Variants in MTAP observed in about 807,000 individuals in gnomAD.
The protein encoded by MTAP is methylthioadenosine phosphorylase.
In MTAP, 33 loss-of-function variants were observed where a neutral mutation model predicts 33.6. The observed-to-expected ratio is 0.98, with a 90% CI of 0.74 to 1.31. The LOEUF (loss-of-function observed/expected upper bound fraction) is 1.31, where lower values mean the gene tolerates loss of function less well. Among genes scored for constraint, MTAP ranks in the 40% most tolerant of loss-of-function variants. The pLI is 0.00. For missense variants in MTAP, 367 were observed against 360.0 expected, an observed-to-expected ratio of 1.02 and a Z score of -0.16; for synonymous variants, 148 against 125.7, an observed-to-expected ratio of 1.18 and a Z score of -1.19.
chr9:21,836,381 C>CAT (rs1388408591), intron 4 of MTAP, among the ~76,000 whole-genome samples: 1 of 152,038 alleles, frequency 6.6e-6, no homozygotes, highest in Non-Finnish European at 1.5e-5. Context: ...AAGTTCAAAA[C>CAT]AAAGGCGGGG....
chr9:21,855,702 A>G (rs1184661367), intron 6 of MTAP, among the ~76,000 whole-genome samples: 1 of 152,120 alleles, frequency 6.6e-6, no homozygotes, highest in African/African-American at 2.4e-5. Flanking sequence ...TCAGCTTCCA[A>G]AACAAAACAA....
downstream of MTAP, among the ~76,000 whole-genome samples, chr9:21,937,897 T>C (rs1234656823): frequency 1.3e-5 from 2 of 152,144 alleles, no homozygotes; most frequent in African/African-American, 4.8e-5. Context: ...TCTAGCACTT[T>C]GGGAGGCCAA....
rs745661357 is a variant in MTAP, at chr9:21,818,153, G to T, written c.298G>T (p.Glu100Ter). The change falls in exon 4 of 8, where the codon GAG becomes TAG. Residue 100 changes from glutamate to a stop codon, truncating the protein, a stop_gained. Coordinates refer to ENST00000644715, the MANE Select transcript of MTAP (RefSeq NM_002451.4). LOFTEE classifies it high-confidence loss of function. ...IVTTACGSLREEIQPGDIVII... is the reference protein window; with the variant it reads ...IVTTACGSLR ...GACCACAGCTTGTGGCTCCTTGAGG[G>T]AGGAGATTCAGCCCGGCGATATTGT... The T allele has an allele frequency of 3.1e-6, 5 of 1,613,816 alleles. No individual in the cohort carries two copies. Among genetic ancestry groups the T allele is most frequent in the Non-Finnish European group, 3.4e-6 (4 of 1,179,986 alleles).
chr9:21,833,883 T>A lies in MTAP; in HGVS notation c.348-4025T>A, dbSNP rs547504090. Among the ~76,000 whole-genome samples the A allele has an allele frequency of 1.0e-3, 156 of 152,334 alleles. 2 individuals are homozygous for A. In the South Asian group the frequency reaches 0.019, roughly 18 times the overall value. ...TCAAGAAACAACCTACCAGTCAGTC[T>A]ATTTCTAGGCTTTTCTCCCTCTCTT... On this transcript the variant is annotated intron_variant, in intron 4 of 7. Transcript: ENST00000644715.
rs150135668 is a variant in MTAP, at chr9:21,854,774, A to G, written c.594A>G (p.Thr198=). 3.6e-4 allele frequency: 577 copies of G among 1,614,194 alleles called. 4 individuals carry two copies. The highest frequency in any genetic ancestry group is 3.3e-3 in the African/African-American group (247 of 75,058). Residue 198 remains threonine, a synonymous_variant, in exon 6 of 8, where the codon ACA becomes ACG. Transcript: ENST00000644715. ...GGGCGGATGTTATCAACATGACCAC[A>G]GTTCCAGAGGTGGTTCTTGCTAAGG... The part of the protein sequence containing the change: ...TWGADVINMT[T]VPEVVLAKEA...
chr9:21,931,508 C>T (rs1818958458), downstream of MTAP: 2 of 226,418 alleles, frequency 8.8e-6, no homozygotes, highest in Non-Finnish European at 1.7e-5. Context: ...AGCTGGTGAT[C>T]AGCAGCTTCC....
exon 2 of MTAP, chr9:21,931,039 G>A (rs1299889577): frequency 1.3e-6 from 1 of 764,328 alleles, no homozygotes; most frequent in Non-Finnish European, 2.4e-6. Flanking sequence ...CTCAGTGAGG[G>A]ATACCATCCT....
Position 21,816,774 on chromosome 9 carries a change from T to A in MTAP, c.179+2T>A. On this transcript the variant is annotated splice_donor_variant, in intron 3 of 7. Transcript: ENST00000644715. LOFTEE classifies it high-confidence loss of function. ...TGTTGATTGCGTCCTCCTTGCAAGG[T>A]ATGGTATTTTAAGCTTTTTGGATGT... The A allele has an allele frequency of 6.2e-7, 1 of 1,607,348 alleles. No homozygotes were observed. Among genetic ancestry groups the A allele is most frequent in the South Asian group, 1.1e-5 (1 of 89,494 alleles).
chr9:21,844,899 G>A (rs889246967), intron 5 of MTAP, among the ~76,000 whole-genome samples: 1 of 152,172 alleles, frequency 6.6e-6, no homozygotes, highest in Non-Finnish European at 1.5e-5. Flanking sequence ...GGGCATGGTA[G>A]CGGGCGCCTG....
Position 21,841,196 on chromosome 9 carries a change from CCCTG to C in MTAP, c.450+3190_450+3193del, listed in dbSNP as rs768941903. ...GTAGCCAAACACAAAATATTTATTG[CCCTG>C]CCTATTGCCTGGGAAACCAAAATAG... On this transcript the variant is annotated intron_variant, in intron 5 of 7. Coordinates refer to ENST00000644715, the MANE Select transcript of MTAP (RefSeq NM_002451.4). Among the ~76,000 whole-genome samples the C allele has an allele frequency of 1.6e-4, 25 of 152,296 alleles. No homozygotes were observed. The East Asian group carries it at 3.3e-3, about 20-fold the overall frequency.
At chr9:21,868,418 A>G (rs938499273), downstream of MTAP, among the ~76,000 whole-genome samples, 5 of 152,188 alleles carry the variant, frequency 3.3e-5, no homozygotes, top group Admixed American at 3.3e-4. Flanking sequence ...TAAATGGGTT[A>G]AGTATATCTA....
chr9:21,822,054 A>G (rs1162492796), intron 4 of MTAP, among the ~76,000 whole-genome samples: 1 of 151,872 alleles, frequency 6.6e-6, no homozygotes, highest in Non-Finnish European at 1.5e-5. Context: ...TGGTCTATCA[A>G]TTTTGTTGAT....
chr9:21,880,030 A>G (rs1432723250), intron 1 of MTAP, among the ~76,000 whole-genome samples: 1 of 152,066 alleles, frequency 6.6e-6, no homozygotes. Flanking sequence ...ATCTTTTGTA[A>G]AATCTTGCAA....
intron 1 of MTAP, among the ~76,000 whole-genome samples, chr9:21,912,014 TA>T (rs1818586960): frequency 6.6e-6 from 1 of 152,006 alleles, no homozygotes; most frequent in Non-Finnish European, 1.5e-5. Flanking sequence ...TCTACGCAAA[TA>T]AACTAGAAAA....
downstream of MTAP, chr9:21,934,998 C>G (rs182044587): frequency 6.6e-6 from 1 of 152,150 alleles, no homozygotes; most frequent in Admixed American, 6.5e-5. This position sits in a 1 kb window ranked among gnomAD's most constrained non-coding sequence, Gnocchi z 5.0. Flanking sequence ...CAAGCCCGGC[C>G]TTAACTTTTT....
intron 1 of MTAP, among the ~76,000 whole-genome samples, chr9:21,906,211 A>G (rs964118997): frequency 6.6e-6 from 1 of 152,238 alleles, no homozygotes. Context: ...GAAGAGATAG[A>G]ATTATCAGCT....
chr9:21,875,936 T>C (rs1826002156), intron 1 of MTAP, among the ~76,000 whole-genome samples: 1 of 152,144 alleles, frequency 6.6e-6, no homozygotes, highest in Admixed American at 6.6e-5. Flanking sequence ...TTTTTAGCTC[T>C]TTGAGGAATC....
chr9:21,925,472 A>T (rs1337327629), intron 1 of MTAP, among the ~76,000 whole-genome samples: 4 of 152,204 alleles, frequency 2.6e-5, no homozygotes, highest in Non-Finnish European at 5.9e-5. Context: ...GGGAAAGAAG[A>T]GGTAAAAGGA....
rs1408734537 is a variant in MTAP, at chr9:21,866,350, T to C, written c.*4336T>C. Reference sequence around the variant, plus strand: ...GCTTGCCTTTTCATTTTCTTAATTATGTCTTTCAAAGAACAAGTTTTTCAT... The same window carrying C: ...GCTTGCCTTTTCATTTTCTTAATTACGTCTTTCAAAGAACAAGTTTTTCAT... On this transcript the variant is annotated 3_prime_UTR_variant, in exon 8 of 8. Transcript: ENST00000644715. 1.3e-5 allele frequency: 2 copies of C among 152,218 alleles called. No homozygotes were observed. Among genetic ancestry groups the C allele is most frequent in the Non-Finnish European group, 2.9e-5 (2 of 68,030 alleles). 9.4% of individuals were successfully genotyped at this position (152,218 alleles called of 1,614,324 possible). A position where few individuals can be genotyped will look rare whatever the true frequency, so the allele number is the denominator to read the frequency against.
Sources: allele counts gnomAD v4.1 joint callset (sites outside exome capture counted in the v4.1 genomes callset), GRCh38; gene constraint gnomAD v4.1.1; non-coding constraint Gnocchi (gnomAD v3.1); transcripts MANE v1.5; gene names NCBI Gene and HGNC (gene_info 2026-07-23, HGNC 2026-07-21).